Variants in METTL15 observed in about 807,000 individuals in gnomAD.
METTL15 encodes 12S rRNA N(4)-cytidine methyltransferase METTL15.
METTL15 carries 34 observed loss-of-function variants against 38.3 expected under a neutral mutation model. The ratio of observed to expected loss-of-function variants is 0.89; its 90% CI spans 0.68 to 1.18. METTL15 has a LOEUF of 1.18. Among genes scored for constraint, METTL15 ranks in the 50% most tolerant of loss-of-function variants. METTL15 has a pLI of 0.00. For missense variants in METTL15, 438 were observed against 498.4 expected (o/e 0.88, Z 1.15); for synonymous variants, 162 against 170.9 (o/e 0.95, Z 0.41).
At chr11:28,234,266 C>A (rs1853831641) in intron 4 of METTL15, among the ~76,000 whole-genome samples, 1 of 151,922 alleles carries the variant, frequency 6.6e-6, no homozygotes, top group South Asian at 2.1e-4. Context: ...AATAAACATA[C>A]ATGTGCATGT....
chr11:28,486,967 C>T (rs1262026810), intron 6 of METTL15, among the ~76,000 whole-genome samples: 4 of 151,692 alleles, frequency 2.6e-5, no homozygotes, highest in Non-Finnish European at 4.4e-5. Flanking sequence ...TCCTGCAAAC[C>T]GACCTTTAAA....
rs1268639208 is a variant in METTL15, at chr11:28,333,045, T to C, written c.*2204T>C. 5.4e-5 allele frequency: 8 copies of C among 148,760 alleles called. No individual in the cohort carries two copies. Among genetic ancestry groups the C allele is most frequent in the Non-Finnish European group, 7.4e-5 (5 of 67,528 alleles). 9.2% of individuals were successfully genotyped at this position (148,760 alleles called of 1,614,324 possible). A position where few individuals can be genotyped will look rare whatever the true frequency, so the allele number is the denominator to read the frequency against. On this transcript the variant is annotated 3_prime_UTR_variant, in exon 7 of 7. Coordinates refer to ENST00000407364, the MANE Select transcript of METTL15 (RefSeq NM_001113528.2). ...ATACATTGTGGGAACCCTCAGAAGA[T>C]AGGAAAAAAGCATGGAATAGATTCT...
intron 5 of METTL15, among the ~76,000 whole-genome samples, chr11:28,291,825 A>G (rs1053694324): frequency 6.6e-6 from 1 of 152,060 alleles, no homozygotes; most frequent in Admixed American, 6.6e-5. Flanking sequence ...TAAATCCCAT[A>G]TTGTTAGTTT....
chr11:28,425,090 C>T (rs1338360100), intron 6 of METTL15, among the ~76,000 whole-genome samples: 4 of 152,140 alleles, frequency 2.6e-5, no homozygotes, highest in African/African-American at 9.7e-5. Context: ...GTGATATCTT[C>T]TGGGCTCTAG....
chr11:28,483,198 T>G (rs1851410999), intron 6 of METTL15, among the ~76,000 whole-genome samples: 1 of 152,152 alleles, frequency 6.6e-6, no homozygotes, highest in African/African-American at 2.4e-5. Flanking sequence ...ATGTGAGCAC[T>G]TTGAGCTCAC....
intron 6 of METTL15, among the ~76,000 whole-genome samples, chr11:28,471,133 T>C (rs1415206712): frequency 6.6e-6 from 1 of 152,142 alleles, no homozygotes; most frequent in African/African-American, 2.4e-5. Context: ...TTGGGTCTTT[T>C]CTCACCAGTT....
At chr11:28,189,342 C>T (rs1851617145) in intron 3 of METTL15, among the ~76,000 whole-genome samples, 1 of 150,876 alleles carries the variant, frequency 6.6e-6, no homozygotes, top group Non-Finnish European at 1.5e-5. Context: ...TTTTATTTCC[C>T]AAAGAATGGA....
chr11:28,262,453 A>G (rs958428502), intron 4 of METTL15, among the ~76,000 whole-genome samples: 3 of 151,808 alleles, frequency 2.0e-5, no homozygotes, highest in South Asian at 2.1e-4. Flanking sequence ...TAGTTACTAC[A>G]TAGTCTTATA....
chr11:28,410,638 A>G (rs1850716565), intron 5 of METTL15: 1 of 152,148 alleles, frequency 6.6e-6, no homozygotes, highest in Non-Finnish European at 1.5e-5. Context: ...AATAAAGCCC[A>G]TTTAAGAAAA....
chr11:28,129,498 C>G (rs1852662770), intron 3 of METTL15, among the ~76,000 whole-genome samples: 1 of 151,928 alleles, frequency 6.6e-6, no homozygotes, highest in South Asian at 2.1e-4. Context: ...CAACCTCCTC[C>G]TCCCAGGTTC....
intron 5 of METTL15, among the ~76,000 whole-genome samples, chr11:28,387,728 C>A (rs1850455122): frequency 6.6e-6 from 1 of 152,028 alleles, no homozygotes; most frequent in African/African-American, 2.4e-5. Flanking sequence ...CAGAATCAGA[C>A]AAAGATGCTG....
At chr11:28,221,377 T>C (rs1388745026) in intron 4 of METTL15, among the ~76,000 whole-genome samples, 2 of 152,182 alleles carry the variant, frequency 1.3e-5, no homozygotes, top group Non-Finnish European at 2.9e-5. Context: ...TGTGCATTCG[T>C]TACGCAGTTC....
At chr11:28,193,201 C>T (rs1851764163) in intron 3 of METTL15, among the ~76,000 whole-genome samples, 1 of 152,044 alleles carries the variant, frequency 6.6e-6, no homozygotes, top group Admixed American at 6.6e-5. Context: ...TAGATGTTTA[C>T]CCTCTGTATT....
At chr11:28,178,484 A>T (rs1851159597) in intron 3 of METTL15, among the ~76,000 whole-genome samples, 1 of 151,738 alleles carries the variant, frequency 6.6e-6, no homozygotes, top group East Asian at 1.9e-4. Flanking sequence ...ATTGTGTTTG[A>T]TATATGTTGC....
intron 6 of METTL15, among the ~76,000 whole-genome samples, chr11:28,517,869 T>C (rs1851732352): frequency 1.3e-5 from 2 of 152,238 alleles, no homozygotes; most frequent in Non-Finnish European, 2.9e-5. Flanking sequence ...TCCTTCTGCC[T>C]ACCTTCAAAG....
intron 6 of METTL15, among the ~76,000 whole-genome samples, chr11:28,303,252 A>G (rs1445542504): frequency 6.6e-6 from 1 of 152,186 alleles, no homozygotes; most frequent in Non-Finnish European, 1.5e-5. Flanking sequence ...TGTAAACTTG[A>G]ATAATTCTAG....
At chr11:28,239,782 C>A (rs1213610292) in intron 4 of METTL15, among the ~76,000 whole-genome samples, 1 of 152,174 alleles carries the variant, frequency 6.6e-6, no homozygotes, top group Non-Finnish European at 1.5e-5. Context: ...TTCTGTCAGA[C>A]TTTTCTATAT....
At chr11:28,259,281 C>T (rs910687281) in intron 4 of METTL15, among the ~76,000 whole-genome samples, 5 of 151,972 alleles carry the variant, frequency 3.3e-5, no homozygotes, top group Non-Finnish European at 7.4e-5. Context: ...ATTTGTCCTG[C>T]CCTCTCCTCA....
intron 6 of METTL15, among the ~76,000 whole-genome samples, chr11:28,320,404 T>G (rs1198596516): frequency 6.6e-6 from 1 of 151,730 alleles, no homozygotes; most frequent in Non-Finnish European, 1.5e-5. Flanking sequence ...ACACAAAAAT[T>G]TAAAAATTAG....
Sources: allele counts gnomAD v4.1 joint callset (sites outside exome capture counted in the v4.1 genomes callset), GRCh38; gene constraint gnomAD v4.1.1; transcripts MANE v1.5; gene names NCBI Gene and HGNC (gene_info 2026-07-23, HGNC 2026-07-21).